The following NAALADL2 variants were observed in gnomAD, a reference collection of about 807,000 sequenced individuals.
The protein encoded by NAALADL2 is N-acetylated alpha-linked acidic dipeptidase like 2, also known as inactive N-acetylated-alpha-linked acidic dipeptidase-like protein 2.
A neutral mutation model predicts 87.2 loss-of-function variants in NAALADL2; 76 were observed. The observed-to-expected ratio is 0.87, with a 90% CI of 0.72 to 1.05. The LOEUF is 1.05. NAALADL2 is among the 50% of genes least tolerant of loss of function. The pLI is 0.00. For synonymous variants in NAALADL2, 354 were observed against 331.0 expected, an observed-to-expected ratio of 1.07 and a Z score of -0.75; for missense variants, 1,089 against 945.8, an observed-to-expected ratio of 1.15 and a Z score of -1.99.
chr3:174,842,161 C>T (rs777622241), intron 3 of NAALADL2, among the ~76,000 whole-genome samples: 1 of 151,872 alleles, frequency 6.6e-6, no homozygotes, highest in African/African-American at 2.4e-5. Context: ...AAGTGATTCT[C>T]CTCCCTCAGC....
At position 175,695,522 on chromosome 3, in the gene NAALADL2, C is replaced by G. The variant is rs188825234; in HGVS notation, c.1897-41784C>G. On this transcript the variant is annotated intron_variant, in intron 11 of 13. Transcript: ENST00000454872. ...ACTTGCTGGAAAAATGTACTGCATT[C>G]TTTGCCTAGTGAAATATGCTGAGCT... 1.5e-3 allele frequency among the ~76,000 whole-genome samples: 235 copies of G among 152,222 alleles called. 1 individual carries two copies. Among genetic ancestry groups the G allele is most frequent in the Non-Finnish European group, 2.7e-3 (184 of 67,988 alleles).
At chr3:175,800,255 A>G (rs1321312749) in intron 13 of NAALADL2, among the ~76,000 whole-genome samples, 1 of 152,050 alleles carries the variant, frequency 6.6e-6, no homozygotes, top group African/African-American at 2.4e-5. Flanking sequence ...TACACTCCAC[A>G]AGACCTTATA....
intron 1 of NAALADL2, among the ~76,000 whole-genome samples, chr3:174,924,635 A>T (rs9853251): frequency 4.6e-5 from 7 of 151,530 alleles, no homozygotes; most frequent in African/African-American, 1.5e-4. Flanking sequence ...AGGAATCGCC[A>T]CACTGTCTTC....
chr3:174,720,029 T>A (rs1165737075), intron 2 of NAALADL2, among the ~76,000 whole-genome samples: 1 of 152,156 alleles, frequency 6.6e-6, no homozygotes, highest in East Asian at 1.9e-4. Flanking sequence ...CTCGCTCTCT[T>A]GACCTCGTGA....
At chr3:175,707,818 A>C (rs1472763128) in intron 11 of NAALADL2, among the ~76,000 whole-genome samples, 1 of 152,108 alleles carries the variant, frequency 6.6e-6, no homozygotes, top group African/African-American at 2.4e-5. Context: ...TTTAGAATTA[A>C]GTTTGTAAGA....
chr3:174,909,033 T>C (rs1230291626), intron 1 of NAALADL2, among the ~76,000 whole-genome samples: 1 of 151,860 alleles, frequency 6.6e-6, no homozygotes, highest in Non-Finnish European at 1.5e-5. Context: ...ATCTCCTTAG[T>C]TGTGTAGCTA....
At chr3:175,592,090 G>C (rs1721568496) in intron 10 of NAALADL2, among the ~76,000 whole-genome samples, 1 of 151,740 alleles carries the variant, frequency 6.6e-6, no homozygotes, top group African/African-American at 2.4e-5. Context: ...TAATGTTCAG[G>C]GTCAGTTTCT....
chr3:174,949,004 A>G (rs981496951), intron 1 of NAALADL2, among the ~76,000 whole-genome samples: 1 of 152,104 alleles, frequency 6.6e-6, no homozygotes, highest in African/African-American at 2.4e-5. Context: ...TTCTCACTCT[A>G]GCCTCACATG....
At chr3:175,447,171 T>C (rs1720838525) in intron 5 of NAALADL2, 58 bp from the exon 6 acceptor site, 2 of 1,165,192 alleles carry the variant, frequency 1.7e-6, no homozygotes, top group Non-Finnish European at 2.4e-6. Flanking sequence ...TAACTTTTCC[T>C]TAAGTGTTTT....
intron 10 of NAALADL2, among the ~76,000 whole-genome samples, chr3:175,588,141 A>G (rs1720815134): frequency 6.6e-6 from 1 of 152,192 alleles, no homozygotes; most frequent in Non-Finnish European, 1.5e-5. Context: ...GTATGCCAAA[A>G]GACAGTAACG....
At chr3:175,235,009 A>G (rs949796164) in intron 3 of NAALADL2, 1 of 151,974 alleles carries the variant, frequency 6.6e-6, no homozygotes, top group South Asian at 2.1e-4. Context: ...TTTCCTTTCT[A>G]TGGACTAGTT....
chr3:174,895,860 T>G (rs1347243471), intron 1 of NAALADL2, among the ~76,000 whole-genome samples: 1 of 152,142 alleles, frequency 6.6e-6, no homozygotes, highest in Non-Finnish European at 1.5e-5. Context: ...TCAAGTGGGA[T>G]TTATCCCTGA....
At chr3:175,092,666 A>G (rs1370166280) in intron 1 of NAALADL2, among the ~76,000 whole-genome samples, 1 of 151,966 alleles carries the variant, frequency 6.6e-6, no homozygotes, top group African/African-American at 2.4e-5. Flanking sequence ...TGTTGAATAT[A>G]GATGGATATT....
intron 3 of NAALADL2, among the ~76,000 whole-genome samples, chr3:174,837,950 A>G (rs1354877629): frequency 6.7e-6 from 1 of 149,820 alleles, no homozygotes; most frequent in Non-Finnish European, 1.5e-5. Flanking sequence ...AAAGAGAGAA[A>G]CCTCCCTAAT....
chr3:175,261,447 C>T (rs1418809439), intron 4 of NAALADL2, among the ~76,000 whole-genome samples: 3 of 152,116 alleles, frequency 2.0e-5, no homozygotes, highest in Non-Finnish European at 4.4e-5. Flanking sequence ...ATCCACAGTA[C>T]ATATCAACCC....
intron 1 of NAALADL2, among the ~76,000 whole-genome samples, chr3:174,501,333 C>T: frequency 7.0e-6 from 1 of 143,152 alleles, no homozygotes; most frequent in East Asian, 1.9e-4. Flanking sequence ...CCGCCTCGGC[C>T]TTCCAAAGTG....
chr3:175,394,003 C>T (rs971384852), intron 5 of NAALADL2, among the ~76,000 whole-genome samples: 2 of 152,168 alleles, frequency 1.3e-5, no homozygotes, highest in Non-Finnish European at 2.9e-5. Flanking sequence ...CTCATATACA[C>T]TGTACCTTAA....
rs112332185 is a variant in NAALADL2 at position 174,567,058 on chromosome 3, G to T, written c.-115+16421G>T. Among the ~76,000 whole-genome samples the T allele has an allele frequency of 3.4e-3, 516 of 151,548 alleles. 1 individual carries two copies. Among genetic ancestry groups the T allele is most frequent in the African/African-American group, 0.012 (494 of 41,458 alleles). On this transcript the variant is annotated intron_variant, in intron 2 of 3. Coordinates refer to the NAALADL2 transcript ENST00000434257. Reference sequence around the variant, plus strand: ...ATACTACTATGCACATAATGTCTTAGGTTCTCATTCTAGAATGCAAGAGAG... The same window carrying T: ...ATACTACTATGCACATAATGTCTTATGTTCTCATTCTAGAATGCAAGAGAG...
chr3:174,995,846 A>T (rs1747370663), intron 1 of NAALADL2, among the ~76,000 whole-genome samples: 1 of 152,152 alleles, frequency 6.6e-6, no homozygotes, highest in Admixed American at 6.5e-5. Context: ...AAAACGAATA[A>T]CACCCTCCCT....
Sources: allele counts gnomAD v4.1 joint callset (sites outside exome capture counted in the v4.1 genomes callset), GRCh38; gene constraint gnomAD v4.1.1; transcripts MANE v1.5; gene names NCBI Gene and HGNC (gene_info 2026-07-23, HGNC 2026-07-21).